CADM2: variants seen among roughly 807,000 people sequenced by gnomAD.
CADM2 encodes the protein immunoglobulin superfamily member 4D.
In CADM2, 12 loss-of-function variants were observed where a neutral mutation model predicts 49.8. The observed-to-expected ratio is 0.24, with a 90% CI of 0.15 to 0.39. The LOEUF (loss-of-function observed/expected upper bound fraction) is 0.39. Among genes scored for constraint, CADM2 ranks in the 10% least tolerant of loss-of-function variants. The pLI is 1.00. For synonymous variants in CADM2, 214 were observed against 175.4 expected (o/e 1.22, Z -1.74); for missense variants, 378 against 492.3 (o/e 0.77, Z 2.20).
chr3:85,770,021 G>A (rs1313607576), intron 2 of CADM2, among the ~76,000 whole-genome samples: 2 of 151,916 alleles, frequency 1.3e-5, no homozygotes, highest in Admixed American at 6.6e-5. Context: ...CATTTCTTCA[G>A]CCTCTTTCAA....
Position 86,025,858 on chromosome 3 carries a change from A to C in CADM2, c.971-39747A>C, listed in dbSNP as rs529215058. On this transcript the variant is annotated intron_variant, in intron 8 of 9. Transcript: ENST00000383699. Reference sequence around the variant, plus strand: ...AAAAAATACTTACTTGTTCCTGAGGAATTTAAAGGCTAATAATAGAAGGAA... The same window carrying C: ...AAAAAATACTTACTTGTTCCTGAGGCATTTAAAGGCTAATAATAGAAGGAA... Among the ~76,000 whole-genome samples the C allele has an allele frequency of 4.6e-5, 7 of 152,268 alleles. No homozygotes were observed. In the South Asian group the frequency reaches 1.2e-3, roughly 27 times the overall value.
intron 7 of CADM2, among the ~76,000 whole-genome samples, chr3:85,949,548 AAC>A (rs1723158998): frequency 6.6e-6 from 1 of 151,302 alleles, no homozygotes; most frequent in South Asian, 2.1e-4. Context: ...TCTGTTTAAT[AAC>A]AGAGAAGTTT....
At chr3:85,921,695 C>G (rs1559743816) in intron 6 of CADM2, among the ~76,000 whole-genome samples, 1 of 152,044 alleles carries the variant, frequency 6.6e-6, no homozygotes, top group Non-Finnish European at 1.5e-5. Context: ...TTAGGGTTCA[C>G]TCTGCATTGT....
chr3:84,963,582 T>A (rs934278743), intron 1 of CADM2, among the ~76,000 whole-genome samples: 7 of 152,144 alleles, frequency 4.6e-5, no homozygotes, highest in African/African-American at 1.7e-4. Flanking sequence ...TGTTTGTTTG[T>A]TTTTTGCCGT....
intron 1 of CADM2, among the ~76,000 whole-genome samples, chr3:85,444,351 A>C (rs542646719): frequency 6.6e-6 from 1 of 152,108 alleles, no homozygotes; most frequent in South Asian, 2.1e-4. Context: ...AAAATCTAAT[A>C]AAAATATTAA....
intron 1 of CADM2, among the ~76,000 whole-genome samples, chr3:85,101,417 G>C (rs938528825): frequency 2.0e-5 from 3 of 152,038 alleles, no homozygotes; most frequent in Non-Finnish European, 4.4e-5. Flanking sequence ...ACGTATAAAG[G>C]CCTCCAAAAA....
At chr3:85,251,835 G>A (rs1283509122) in intron 1 of CADM2, among the ~76,000 whole-genome samples, 1 of 151,950 alleles carries the variant, frequency 6.6e-6, no homozygotes, top group African/African-American at 2.4e-5. Flanking sequence ...AGCACTCAAA[G>A]TCTAAAATAA....
chr3:85,049,414 G>T (rs1256579307), intron 1 of CADM2, among the ~76,000 whole-genome samples: 2 of 151,234 alleles, frequency 1.3e-5, no homozygotes, highest in Admixed American at 6.6e-5. Context: ...GCAATGATGC[G>T]ATCTCAGCTC....
At chr3:85,803,231 A>T (rs1320539737) in intron 3 of CADM2, among the ~76,000 whole-genome samples, 2 of 152,180 alleles carry the variant, frequency 1.3e-5, no homozygotes, top group African/African-American at 4.8e-5. Context: ...GTGATGAAGC[A>T]TCTAATTCAT....
At chr3:85,015,814 G>A (rs997592171) in intron 1 of CADM2, among the ~76,000 whole-genome samples, 108 of 152,276 alleles carry the variant, frequency 7.1e-4, no homozygotes, top group African/African-American at 2.5e-3. Context: ...GGTTTTCAAA[G>A]GGGTGAACTA....
At chr3:85,471,013 T>C (rs2038741854) in intron 1 of CADM2, among the ~76,000 whole-genome samples, 1 of 152,232 alleles carries the variant, frequency 6.6e-6, no homozygotes. Context: ...GTATTTTTAC[T>C]CACTATGAAA....
intron 1 of CADM2, among the ~76,000 whole-genome samples, chr3:85,104,910 C>T (rs974304830): frequency 6.6e-6 from 1 of 152,078 alleles, no homozygotes; most frequent in African/African-American, 2.4e-5. Flanking sequence ...GATTTTTGTA[C>T]ATTGATTTTT....
intron 2 of CADM2, among the ~76,000 whole-genome samples, chr3:85,756,607 G>A (rs1376312677): frequency 7.9e-5 from 12 of 151,872 alleles, no homozygotes; most frequent in Admixed American, 5.9e-4. Context: ...TCTTACATAC[G>A]GACATCATAT....
intron 1 of CADM2, among the ~76,000 whole-genome samples, chr3:85,013,232 A>G (rs1282810427): frequency 6.6e-6 from 1 of 151,846 alleles, no homozygotes; most frequent in Non-Finnish European, 1.5e-5. Flanking sequence ...TCAAGAAAAC[A>G]CAAGAAAGAG....
At chr3:85,478,826 T>C (rs1340031711) in intron 1 of CADM2, among the ~76,000 whole-genome samples, 1 of 151,998 alleles carries the variant, frequency 6.6e-6, no homozygotes, top group African/African-American at 2.4e-5. Context: ...TAGTATATTG[T>C]TATTACTGAA....
chr3:85,161,667 G>T (rs2107668520), intron 1 of CADM2, among the ~76,000 whole-genome samples: 1 of 152,288 alleles, frequency 6.6e-6, no homozygotes, highest in African/African-American at 2.4e-5. Context: ...ATCATATGTT[G>T]ACATAGATAG....
intron 1 of CADM2, among the ~76,000 whole-genome samples, chr3:85,561,628 A>T (rs1311865781): frequency 6.6e-6 from 1 of 152,158 alleles, no homozygotes; most frequent in East Asian, 1.9e-4. Flanking sequence ...TGAGTTCAAA[A>T]CAGAAGGGAG....
intron 1 of CADM2, among the ~76,000 whole-genome samples, chr3:85,527,379 G>A (rs929249445): frequency 3.4e-5 from 4 of 117,922 alleles, no homozygotes; most frequent in African/African-American, 1.1e-4. Flanking sequence ...GGGCGACAGA[G>A]CAAGACACTC....
chr3:85,127,016 T>C (rs1241120273), intron 1 of CADM2, among the ~76,000 whole-genome samples: 1 of 152,164 alleles, frequency 6.6e-6, no homozygotes, highest in East Asian at 1.9e-4. Context: ...CATTATACCA[T>C]ACATAGGAGA....
Sources: gnomAD v4.1 joint callset for allele counts (sites outside exome capture counted in the v4.1 genomes callset) on GRCh38, gnomAD v4.1.1 for gene constraint, MANE v1.5 for transcripts, NCBI Gene and HGNC (gene_info 2026-07-23, HGNC 2026-07-21) for gene names.